LMCD1: variants seen among roughly 807,000 people sequenced by gnomAD.
The protein encoded by LMCD1 is LIM and cysteine rich domains 1.
In LMCD1, 32 loss-of-function variants were observed where a neutral mutation model predicts 42.7. That is an observed-to-expected ratio of 0.75 (90% confidence interval 0.57 to 1.01). The LOEUF (loss-of-function observed/expected upper bound fraction) is 1.01. LMCD1 is among the 50% of genes least tolerant of loss of function. The pLI, the probability that LMCD1 is intolerant of heterozygous loss-of-function variation, is 0.00. For synonymous variants in LMCD1, 178 were observed against 184.9 expected (o/e 0.96, Z 0.30); for missense variants, 458 against 483.1 (o/e 0.95, Z 0.49).
Position 8,501,924 on chromosome 3 carries a change from C to A in LMCD1, c.-15C>A. 6.3e-7 allele frequency: 1 copy of A among 1,585,842 alleles called. No homozygotes were observed. The highest frequency in any genetic ancestry group is 8.6e-7 in the Non-Finnish European group (1 of 1,167,532). On this transcript the variant is annotated 5_prime_UTR_variant, in exon 1 of 6. Transcript: ENST00000157600. The stretch of plus-strand genomic sequence containing the variant: ...GCCTGAGAAGCCAGGCGCTGTTCCC[C>A]CACCCCAGAAGAGGATGGCAAAGGT...
intron 4 of LMCD1, among the ~76,000 whole-genome samples, chr3:8,556,310 T>A (rs1377224065): frequency 3.3e-5 from 5 of 152,118 alleles, no homozygotes; most frequent in African/African-American, 9.7e-5. Flanking sequence ...ATACATCAAT[T>A]TAGTGGACTA....
chr3:8,514,169 C>A (rs1694055946), intron 1 of LMCD1, among the ~76,000 whole-genome samples: 2 of 152,114 alleles, frequency 1.3e-5, no homozygotes, highest in South Asian at 4.2e-4. Flanking sequence ...ATAACTTCTA[C>A]AAATCAATTT....
Position 8,562,496 on chromosome 3 carries a change from C to G in LMCD1, c.724-2936C>G, listed in dbSNP as rs147861306. ...CCAGCTCTGTTTCTTGGCTGTGCCC[C>G]CCTTCACAAGCTATTTTGTCTCCTT... On this transcript the variant is annotated intron_variant, in intron 4 of 5. Transcript: ENST00000157600. 4.6e-5 allele frequency among the ~76,000 whole-genome samples: 7 copies of G among 152,330 alleles called. No individual in the cohort carries two copies. The East Asian group carries it at 1.4e-3, about 29-fold the overall frequency.
chr3:8,520,619 A>T (rs995904659), intron 1 of LMCD1, among the ~76,000 whole-genome samples: 1 of 152,190 alleles, frequency 6.6e-6, no homozygotes, highest in Non-Finnish European at 1.5e-5. Flanking sequence ...GCTCATAGTG[A>T]TGCTGGTGGC....
chr3:8,510,001 A>T (rs1574945734), intron 1 of LMCD1, among the ~76,000 whole-genome samples: 1 of 152,070 alleles, frequency 6.6e-6, no homozygotes, highest in African/African-American at 2.4e-5. Context: ...GAGGCAGCTG[A>T]ATGTTTGGGT....
chr3:8,505,034 A>G (rs1047321931), intron 1 of LMCD1, among the ~76,000 whole-genome samples: 7 of 152,196 alleles, frequency 4.6e-5, no homozygotes, highest in Non-Finnish European at 7.4e-5. Flanking sequence ...TCTACCTCCC[A>G]AGATGGCTGT....
chr3:8,503,018 G>A (rs866716144), intron 1 of LMCD1, among the ~76,000 whole-genome samples: 5 of 152,264 alleles, frequency 3.3e-5, no homozygotes, highest in Middle Eastern at 3.4e-3. Flanking sequence ...ACTTTTCTGA[G>A]CCTCAGTTTC....
rs1694533409 is a variant in LMCD1, at chr3:8,537,452, T to TC, written c.387+16dup. 1 of 1,547,506 alleles carries TC rather than the reference T, an allele frequency of 6.5e-7. No individual in the cohort carries two copies. Among genetic ancestry groups the TC allele is most frequent in the Non-Finnish European group, 8.7e-7 (1 of 1,145,834 alleles). ...TCACCCAGAAACTGGTAAGAGAGCT[T>TC]CCCCAACCAAGCAGTTGTTTTCCTA... On this transcript the variant is annotated intron_variant, in intron 3 of 5. Transcript: ENST00000157600.
chr3:8,559,960 T>C (rs1408859435), intron 4 of LMCD1, among the ~76,000 whole-genome samples: 1 of 152,196 alleles, frequency 6.6e-6, no homozygotes, highest in Non-Finnish European at 1.5e-5. Context: ...GAAATGCTCC[T>C]CCAAGAGGGG....
chr3:8,561,134 C>T (rs575231675), intron 4 of LMCD1, among the ~76,000 whole-genome samples: 3 of 152,276 alleles, frequency 2.0e-5, no homozygotes, highest in African/African-American at 7.2e-5. Context: ...CCTGTCTTCA[C>T]ATGGCAAAAA....
chr3:8,550,232 G>C, intron 4 of LMCD1: 1 of 1,095,334 alleles, frequency 9.1e-7, no homozygotes, highest in South Asian at 3.2e-5. Flanking sequence ...AGCGTGTACT[G>C]CGTTTCTGGT....
intron 1 of LMCD1, among the ~76,000 whole-genome samples, chr3:8,509,370 G>A (rs914427362): frequency 4.6e-5 from 7 of 152,134 alleles, no homozygotes; most frequent in African/African-American, 1.7e-4. Flanking sequence ...GCCACAATTC[G>A]TCTTGGGTGT....
intron 1 of LMCD1, among the ~76,000 whole-genome samples, chr3:8,529,869 T>G (rs569534200): frequency 6.6e-6 from 1 of 152,222 alleles, no homozygotes; most frequent in African/African-American, 2.4e-5. Flanking sequence ...GAACGCTCAG[T>G]GCATAATAAG....
At chr3:8,543,372 A>C (rs1694665350) in intron 3 of LMCD1, among the ~76,000 whole-genome samples, 1 of 124,210 alleles carries the variant, frequency 8.1e-6, no homozygotes, top group South Asian at 2.4e-4. Flanking sequence ...AACTGTTTTA[A>C]ACTGCTGATA....
At chr3:8,558,061 T>TGA (rs1358476236) in intron 4 of LMCD1, among the ~76,000 whole-genome samples, 2 of 152,244 alleles carry the variant, frequency 1.3e-5, no homozygotes, top group Non-Finnish European at 2.9e-5. Flanking sequence ...GTGTGTGTAC[T>TGA]GAGAGAGAGA....
chr3:8,525,759 G>A (rs1208380522), intron 1 of LMCD1, among the ~76,000 whole-genome samples: 1 of 152,202 alleles, frequency 6.6e-6, no homozygotes, highest in Non-Finnish European at 1.5e-5. Context: ...TGGAACGGTT[G>A]AAGTTACAAT....
chr3:8,545,087 C>G (rs1401947119), intron 3 of LMCD1, among the ~76,000 whole-genome samples: 2 of 152,196 alleles, frequency 1.3e-5, no homozygotes, highest in African/African-American at 4.8e-5. Context: ...GGAAATGTTA[C>G]TGACCTGAGA....
intron 4 of LMCD1, among the ~76,000 whole-genome samples, chr3:8,555,216 G>A (rs957969548): frequency 1.4e-4 from 20 of 147,488 alleles, no homozygotes; most frequent in Admixed American, 1.3e-3. Context: ...CTTTTCAGAT[G>A]GAAACTTACA....
intron 1 of LMCD1, among the ~76,000 whole-genome samples, chr3:8,520,053 C>T (rs1363808812): frequency 2.0e-5 from 3 of 152,206 alleles, no homozygotes; most frequent in Admixed American, 6.5e-5. Flanking sequence ...TAGTGCTGTA[C>T]GTTTATACAA....
Sources: gnomAD v4.1 joint callset for allele counts (sites outside exome capture counted in the v4.1 genomes callset) on GRCh38, gnomAD v4.1.1 for gene constraint, MANE v1.5 for transcripts, NCBI Gene and HGNC (gene_info 2026-07-23, HGNC 2026-07-21) for gene names.